The following SAMD12 variants were observed in gnomAD, a reference collection of about 807,000 sequenced individuals.
SAMD12 encodes sterile alpha motif domain containing 12.
A neutral mutation model predicts 15.0 loss-of-function variants in SAMD12; 9 were observed. The observed-to-expected ratio is 0.60, with a 90% CI of 0.36 to 1.05. The LOEUF (loss-of-function observed/expected upper bound fraction) is 1.05. Ranked by LOEUF, SAMD12 falls within the 50% of genes least tolerant of loss-of-function variation. The pLI, the probability that SAMD12 is intolerant of heterozygous loss-of-function variation, is 0.01. For missense variants in SAMD12, 230 were observed against 234.2 expected (o/e 0.98, Z 0.12); for synonymous variants, 86 against 90.1 (o/e 0.96, Z 0.25).
At chr8:118,301,690 ATTAGTTT>A (rs1815034768) in intron 4 of SAMD12, among the ~76,000 whole-genome samples, 1 of 152,184 alleles carries the variant, frequency 6.6e-6, no homozygotes, top group South Asian at 2.1e-4. Context: ...TTTATTTTTT[ATTAGTTT>A]TTAAATTATG....
rs147322272 is a variant in SAMD12 at position 118,443,735 on chromosome 8, C to T, written c.193-3774G>A. ...CTTCTTTTGGGATTCTCAGAGCTGA[C>T]TTTGATTTGTTCTGCCTGAACTTCT... On this transcript the variant is annotated intron_variant, in intron 2 of 3. Transcript: ENST00000314727. Among the ~76,000 whole-genome samples the T allele has an allele frequency of 1.3e-3, 192 of 152,174 alleles. 1 individual carries two copies. The highest frequency in any genetic ancestry group is 2.4e-3 in the Non-Finnish European group (160 of 68,030).
At chr8:118,498,066 C>T (rs1487315510) in intron 2 of SAMD12, among the ~76,000 whole-genome samples, 3 of 152,148 alleles carry the variant, frequency 2.0e-5, no homozygotes, top group Admixed American at 6.5e-5. Flanking sequence ...AGATAATTAA[C>T]GAACTGAAAC....
chr8:118,188,753 G>A (rs188668996), downstream of SAMD12, among the ~76,000 whole-genome samples: 64 of 151,846 alleles, frequency 4.2e-4, no homozygotes, highest in Admixed American at 9.8e-4. Context: ...TTTATATTTG[G>A]TGTATCATAT....
chr8:118,525,010 C>A (rs1455759452), intron 2 of SAMD12, among the ~76,000 whole-genome samples: 1 of 152,154 alleles, frequency 6.6e-6, no homozygotes, highest in Non-Finnish European at 1.5e-5. Flanking sequence ...TGCCTTACTC[C>A]CTCACAAGTA....
chr8:118,578,552 C>A (rs901864086), intron 2 of SAMD12, among the ~76,000 whole-genome samples: 28 of 152,060 alleles, frequency 1.8e-4, no homozygotes, highest in African/African-American at 6.3e-4. Flanking sequence ...ATTATACACC[C>A]AAGAAAAGAG....
At chr8:118,585,116 TA>T (rs1255823191) in intron 1 of SAMD12, among the ~76,000 whole-genome samples, 1 of 152,162 alleles carries the variant, frequency 6.6e-6, no homozygotes, top group African/African-American at 2.4e-5. Context: ...TTTGCGCCTA[TA>T]AAAGGAATGG....
chr8:118,568,083 GGTGA>G (rs899655614), intron 2 of SAMD12, among the ~76,000 whole-genome samples: 2 of 152,198 alleles, frequency 1.3e-5, no homozygotes, highest in African/African-American at 4.8e-5. Context: ...TTTAGAAAGT[GGTGA>G]GTGTGTTAGT....
chr8:118,528,020 AAT>A (rs200530252), intron 2 of SAMD12, among the ~76,000 whole-genome samples: 12 of 118,194 alleles, frequency 1.0e-4, no homozygotes, highest in African/African-American at 2.1e-4. Context: ...TGTTCTTTAT[AAT>A]ATATATATAT....
the SAMD12 span, among the ~76,000 whole-genome samples, chr8:118,141,225 A>G: frequency 2.6e-5 from 4 of 152,244 alleles, no homozygotes; most frequent in African/African-American, 9.6e-5. Context: ...TTCAGAGTTC[A>G]GTAGCCCTTT....
At chr8:118,391,942 A>C (rs1820298988) in intron 3 of SAMD12, among the ~76,000 whole-genome samples, 2 of 146,404 alleles carry the variant, frequency 1.4e-5, no homozygotes, top group Non-Finnish European at 3.0e-5. Context: ...GTTCTGGTTA[A>C]AAAAAAAAAA....
intron 4 of SAMD12, among the ~76,000 whole-genome samples, chr8:118,281,933 A>T (rs1032909805): frequency 6.6e-6 from 1 of 152,206 alleles, no homozygotes; most frequent in Non-Finnish European, 1.5e-5. Flanking sequence ...ATAGAAAGCC[A>T]CTATTACAGA....
chr8:118,481,093 C>T (rs914380629), intron 2 of SAMD12, among the ~76,000 whole-genome samples: 1 of 152,070 alleles, frequency 6.6e-6, no homozygotes. Context: ...CAGGTGTGTG[C>T]CACCAAGCCT....
intron 3 of SAMD12, among the ~76,000 whole-genome samples, chr8:118,432,137 T>A (rs1361858522): frequency 6.6e-6 from 1 of 152,194 alleles, no homozygotes; most frequent in Non-Finnish European, 1.5e-5. Context: ...TAGTCATCTG[T>A]TCTGGCATAT....
intron 3 of SAMD12, among the ~76,000 whole-genome samples, chr8:118,416,905 AG>A (rs1490350955): frequency 6.6e-6 from 1 of 152,144 alleles, no homozygotes; most frequent in East Asian, 1.9e-4. Context: ...GATATTCCAG[AG>A]GGTTTTTTTT....
intron 2 of SAMD12, among the ~76,000 whole-genome samples, chr8:118,535,860 G>T (rs1825823867): frequency 6.6e-6 from 1 of 152,172 alleles, no homozygotes; most frequent in Admixed American, 6.6e-5. Flanking sequence ...GCTCCCCTTG[G>T]CTAGGAAAGG....
intron 2 of SAMD12, among the ~76,000 whole-genome samples, chr8:118,460,153 T>A (rs1211544537): frequency 6.6e-6 from 1 of 152,210 alleles, no homozygotes; most frequent in African/African-American, 2.4e-5. Flanking sequence ...ATCCATTCCC[T>A]CTCCTACTAT....
intron 2 of SAMD12, among the ~76,000 whole-genome samples, chr8:118,480,289 G>A (rs990208552): frequency 2.0e-5 from 3 of 152,056 alleles, no homozygotes; most frequent in Non-Finnish European, 2.9e-5. Context: ...CTCCTGAATC[G>A]CACAAAGGGC....
At chr8:118,416,766 ACC>A (rs1821713630) in intron 3 of SAMD12, among the ~76,000 whole-genome samples, 1 of 152,116 alleles carries the variant, frequency 6.6e-6, no homozygotes. Flanking sequence ...CTCTTCTTCC[ACC>A]CCTTCAATCC....
At chr8:118,503,324 A>T (rs900723648) in intron 2 of SAMD12, among the ~76,000 whole-genome samples, 2 of 152,176 alleles carry the variant, frequency 1.3e-5, no homozygotes, top group Admixed American at 1.3e-4. Flanking sequence ...GAAATTAAGA[A>T]ACTTAAGTGA....
Sources: gnomAD v4.1 joint callset for allele counts (sites outside exome capture counted in the v4.1 genomes callset) on GRCh38, gnomAD v4.1.1 for gene constraint, MANE v1.5 for transcripts, NCBI Gene and HGNC (gene_info 2026-07-23, HGNC 2026-07-21) for gene names.